Variants in ZNF609 observed in about 807,000 individuals in gnomAD.
ZNF609 encodes the protein zinc finger protein 609.
Under a neutral mutation model 109.5 loss-of-function variants are expected in ZNF609, and 11 were observed. The ratio of observed to expected loss-of-function variants is 0.10; its 90% CI spans 0.06 to 0.17. The LOEUF (loss-of-function observed/expected upper bound fraction) is 0.17. Among genes scored for constraint, ZNF609 ranks in the 10% least tolerant of loss-of-function variants. The probability of loss-of-function intolerance (pLI) is 1.00; values close to 1 mark genes in which losing one functional copy is unlikely to be tolerated. For synonymous variants in ZNF609, 646 were observed against 662.0 expected (o/e 0.98, Z 0.37); for missense variants, 1,559 against 1,772.4 (o/e 0.88, Z 2.16).
At chr15:64,556,834 A>G (rs1005392761) in intron 2 of ZNF609, among the ~76,000 whole-genome samples, 3 of 152,142 alleles carry the variant, frequency 2.0e-5, no homozygotes, top group East Asian at 1.9e-4. Context: ...ATACTTAGTT[A>G]TCAGTATTTG....
At chr15:64,634,334 T>G (rs1470873563) in intron 3 of ZNF609, among the ~76,000 whole-genome samples, 2 of 152,192 alleles carry the variant, frequency 1.3e-5, no homozygotes, top group Non-Finnish European at 2.9e-5. Flanking sequence ...AGGAAGTTAG[T>G]CTGCCTGTGG....
At chr15:64,676,405 T>G (rs1473140390) in intron 5 of ZNF609, 149 bp downstream of exon 5, 1 of 636,120 alleles carries the variant, frequency 1.6e-6, no homozygotes, top group African/African-American at 1.9e-5. Flanking sequence ...CTTTGTAAAC[T>G]ATTTTAATGT....
intron 2 of ZNF609, among the ~76,000 whole-genome samples, chr15:64,558,983 A>G (rs1490689773): frequency 2.0e-5 from 3 of 151,352 alleles, no homozygotes; most frequent in Non-Finnish European, 2.9e-5. Flanking sequence ...GTTTCACTCT[A>G]TCTCCCAGTC....
At chr15:64,634,153 G>A (rs1330085470) in intron 3 of ZNF609, among the ~76,000 whole-genome samples, 1 of 152,026 alleles carries the variant, frequency 6.6e-6, no homozygotes, top group Non-Finnish European at 1.5e-5. Context: ...TGAAGAGGGT[G>A]GGTAAGTAGC....
At chr15:64,531,134 A>G (rs753731873) in intron 2 of ZNF609, among the ~76,000 whole-genome samples, 1 of 152,200 alleles carries the variant, frequency 6.6e-6, no homozygotes, top group African/African-American at 2.4e-5. Context: ...CATTTCCATT[A>G]CTTGAATTAC....
Position 64,670,378 on chromosome 15 carries a change from A to T in ZNF609, c.1006A>T (p.Lys336Ter). 1 of 1,614,134 alleles carries T rather than the reference A, an allele frequency of 6.2e-7. No individual in the cohort carries two copies. The highest frequency in any genetic ancestry group is 8.5e-7 in the Non-Finnish European group (1 of 1,179,986). ...GGTGGTAAATGTAACGTGGAGGAAC[A>T]AGACATATGTAGGTACACTCCTTGA... ...MLVVNVTWRN[K>*]TYVGTLLDCT... Residue 336 changes from lysine (K) to a stop codon, truncating the protein, a stop_gained, in exon 4 of 10, where the codon AAG (lysine) becomes TAG (stop). Coordinates refer to ENST00000326648, the MANE Select transcript of ZNF609 (RefSeq NM_015042.2). LOFTEE classifies it high-confidence loss of function.
intron 2 of ZNF609, among the ~76,000 whole-genome samples, chr15:64,584,446 A>G (rs1895161972): frequency 6.6e-6 from 1 of 151,782 alleles, no homozygotes; most frequent in Non-Finnish European, 1.5e-5. Flanking sequence ...AATTACAGTT[A>G]TGCGCCACCA....
At position 64,623,058 on chromosome 15, in the gene ZNF609, T is replaced by C. The variant is rs1439872172; in HGVS notation, c.973+6T>C. ...GTGGCAGGAAACAGAAGATGGTAAG[T>C]GTGATATGTGGCTTTCCCCTCCCTT... On this transcript the variant is annotated splice_donor_region_variant and intron_variant, in intron 3 of 9. Transcript: ENST00000326648. The C allele has an allele frequency of 1.9e-6, 3 of 1,613,104 alleles. No individual in the cohort carries two copies. The highest frequency in any genetic ancestry group is 2.5e-6 in the Non-Finnish European group (3 of 1,179,192).
At chr15:64,631,566 CTT>C (rs1237999589) in intron 3 of ZNF609, 1 of 513,000 alleles carries the variant, frequency 1.9e-6, no homozygotes, top group African/African-American at 2.0e-5. Context: ...GAGTTTCGCT[CTT>C]GTTGCCCAGG....
At chr15:64,642,766 C>G (rs1896281915) in intron 3 of ZNF609, among the ~76,000 whole-genome samples, 1 of 152,108 alleles carries the variant, frequency 6.6e-6, no homozygotes, top group African/African-American at 2.4e-5. Context: ...TGCACTCTAG[C>G]CTGGGTGACA....
chr15:64,564,910 C>T (rs1466099440), intron 2 of ZNF609, among the ~76,000 whole-genome samples: 2 of 148,964 alleles, frequency 1.3e-5, no homozygotes, highest in African/African-American at 5.0e-5. Flanking sequence ...TGCAGTGGTG[C>T]GATCTCCGCT....
At position 64,622,883 on chromosome 15, in the gene ZNF609, G is replaced by A. The variant is rs1895898373; in HGVS notation, c.804G>A (p.Val268=). Residue 268 remains valine, a synonymous_variant, in exon 3 of 10, where the codon GTG becomes GTA. Transcript: ENST00000326648. ...AVLPIHLLVP[V]VNNDISSPCE... Reference sequence around the variant, plus strand: ...TGCCAATACACCTTTTGGTGCCAGTGGTCAACAATGACATCTCATCTCCCT... The same window carrying A: ...TGCCAATACACCTTTTGGTGCCAGTAGTCAACAATGACATCTCATCTCCCT... The A allele has an allele frequency of 6.2e-7, 1 of 1,614,172 alleles. No individual in the cohort carries two copies. Among genetic ancestry groups the A allele is most frequent in the Non-Finnish European group, 8.5e-7 (1 of 1,179,988 alleles).
At chr15:64,606,449 A>G (rs1895602471) in intron 2 of ZNF609, among the ~76,000 whole-genome samples, 1 of 149,660 alleles carries the variant, frequency 6.7e-6, no homozygotes, top group Non-Finnish European at 1.5e-5. Flanking sequence ...AATCCCAGCT[A>G]CTTGGGAGGC....
chr15:64,514,428 C>T (rs903544708), intron 2 of ZNF609, among the ~76,000 whole-genome samples: 5 of 151,998 alleles, frequency 3.3e-5, no homozygotes, highest in Non-Finnish European at 7.4e-5. Flanking sequence ...TCCACAAATT[C>T]CTTCCCTTTA....
At chr15:64,565,684 G>C (rs1316432937) in intron 2 of ZNF609, among the ~76,000 whole-genome samples, 1 of 152,150 alleles carries the variant, frequency 6.6e-6, no homozygotes, top group Non-Finnish European at 1.5e-5. Flanking sequence ...GAGTTAGGAA[G>C]ATTACTAGAA....
At chr15:64,472,530 T>C (rs1208550986) in intron 1 of ZNF609, among the ~76,000 whole-genome samples, 1 of 152,186 alleles carries the variant, frequency 6.6e-6, no homozygotes, top group Non-Finnish European at 1.5e-5. Flanking sequence ...ACTTTGTGTC[T>C]GGTTGAGATG....
intron 3 of ZNF609, among the ~76,000 whole-genome samples, chr15:64,641,664 T>G (rs1896260954): frequency 6.6e-6 from 1 of 151,604 alleles, no homozygotes; most frequent in African/African-American, 2.4e-5. Flanking sequence ...TTGCTGTACA[T>G]TAGAGTTTGG....
chr15:64,527,454 A>G (rs1432696887), intron 2 of ZNF609, among the ~76,000 whole-genome samples: 2 of 151,652 alleles, frequency 1.3e-5, no homozygotes, highest in Non-Finnish European at 2.9e-5. Context: ...AGTGCTACCT[A>G]TGTGTCAGTC....
intron 1 of ZNF609, among the ~76,000 whole-genome samples, chr15:64,488,308 G>C (rs768220802): frequency 1.3e-5 from 2 of 152,120 alleles, no homozygotes; most frequent in South Asian, 4.1e-4. Flanking sequence ...AAATGCCAGC[G>C]GGGCATTGAT....
Sources: gnomAD v4.1 joint callset for allele counts (sites outside exome capture counted in the v4.1 genomes callset) on GRCh38, gnomAD v4.1.1 for gene constraint, MANE v1.5 for transcripts, NCBI Gene and HGNC (gene_info 2026-07-23, HGNC 2026-07-21) for gene names.